Variants in CDK14 observed in about 807,000 individuals in gnomAD.
The protein encoded by CDK14 is cyclin-dependent kinase 14.
CDK14 carries 34 observed loss-of-function variants against 60.7 expected under a neutral mutation model. The ratio of observed to expected loss-of-function variants is 0.56; its 90% CI spans 0.43 to 0.75. The LOEUF (loss-of-function observed/expected upper bound fraction) is 0.75. Ranked by LOEUF, CDK14 falls within the 30% of genes least tolerant of loss-of-function variation. The pLI, the probability that CDK14 is intolerant of heterozygous loss-of-function variation, is 0.00. For missense variants in CDK14, 482 were observed against 564.1 expected, an observed-to-expected ratio of 0.85 and a Z score of 1.47; for synonymous variants, 197 against 203.7, an observed-to-expected ratio of 0.97 and a Z score of 0.28.
intron 9 of CDK14, among the ~76,000 whole-genome samples, chr7:90,971,158 T>C (rs2117628251): frequency 6.6e-6 from 1 of 152,040 alleles, no homozygotes; most frequent in East Asian, 1.9e-4. Flanking sequence ...ATGTGGTTTT[T>C]TTTTTTTTGT....
intron 12 of CDK14, among the ~76,000 whole-genome samples, chr7:91,110,549 G>C (rs766903274): frequency 4.6e-5 from 7 of 152,230 alleles, no homozygotes; most frequent in Non-Finnish European, 7.4e-5. Flanking sequence ...AGTATGTCTT[G>C]CTTTGTATTT....
At chr7:90,692,229 A>G (rs1053322899) in intron 2 of CDK14, among the ~76,000 whole-genome samples, 1 of 152,124 alleles carries the variant, frequency 6.6e-6, no homozygotes, top group Non-Finnish European at 1.5e-5. Context: ...TTTTTCTGTA[A>G]GACAAGAGCG....
intron 12 of CDK14, among the ~76,000 whole-genome samples, chr7:91,084,897 A>AC (rs1379765041): frequency 6.6e-6 from 1 of 152,130 alleles, no homozygotes; most frequent in African/African-American, 2.4e-5. Flanking sequence ...AAGGAATAAA[A>AC]CCCAACCCTA....
intron 14 of CDK14, among the ~76,000 whole-genome samples, chr7:91,182,972 A>G (rs1345422595): frequency 6.6e-6 from 1 of 152,222 alleles, no homozygotes; most frequent in Non-Finnish European, 1.5e-5. Context: ...TTTCCAAGGC[A>G]TATCCATTTA....
intron 2 of CDK14, among the ~76,000 whole-genome samples, chr7:90,696,026 A>C (rs1309708494): frequency 6.6e-6 from 1 of 152,204 alleles, no homozygotes; most frequent in Non-Finnish European, 1.5e-5. Context: ...TAGCTGCAGA[A>C]AGACCAGTTA....
intron 2 of CDK14, among the ~76,000 whole-genome samples, chr7:90,612,247 A>G (rs1420541568): frequency 6.6e-6 from 1 of 152,176 alleles, no homozygotes; most frequent in Non-Finnish European, 1.5e-5. Context: ...CATTGGTATC[A>G]CTGCTCCATC....
intron 5 of CDK14, among the ~76,000 whole-genome samples, chr7:90,801,398 TATC>T (rs1355893746): frequency 2.0e-5 from 3 of 152,242 alleles, no homozygotes; most frequent in East Asian, 3.8e-4. Flanking sequence ...TCAAGCAAAA[TATC>T]ATTCTCTGTG....
At chr7:90,639,025 C>T (rs950747405) in intron 2 of CDK14, among the ~76,000 whole-genome samples, 2 of 152,100 alleles carry the variant, frequency 1.3e-5, no homozygotes, top group Non-Finnish European at 2.9e-5. Context: ...TCTAGTTATA[C>T]ATTCATCTAA....
chr7:90,947,270 G>A (rs1262838645), intron 8 of CDK14, among the ~76,000 whole-genome samples: 4 of 152,072 alleles, frequency 2.6e-5, no homozygotes, highest in Non-Finnish European at 5.9e-5. Flanking sequence ...CCCTCACCAG[G>A]CTAGCTGGTC....
chr7:90,963,275 C>A (rs1794657870), intron 9 of CDK14, among the ~76,000 whole-genome samples: 1 of 151,798 alleles, frequency 6.6e-6, no homozygotes, highest in Non-Finnish European at 1.5e-5. Context: ...TATAAAAGTT[C>A]AGTTACCATG....
chr7:90,866,077 G>A (rs1302314579), intron 6 of CDK14, among the ~76,000 whole-genome samples: 2 of 152,028 alleles, frequency 1.3e-5, no homozygotes, highest in East Asian at 1.9e-4. Context: ...CTGCTTTATA[G>A]TTTGAATAAG....
chr7:90,965,728 G>T (rs1477087157), intron 9 of CDK14, among the ~76,000 whole-genome samples: 1 of 152,138 alleles, frequency 6.6e-6, no homozygotes, highest in East Asian at 1.9e-4. Context: ...TTTTGAAAAC[G>T]CCTTTATTCT....
At chr7:90,662,374 C>G (rs1800881928) in intron 2 of CDK14, among the ~76,000 whole-genome samples, 1 of 152,238 alleles carries the variant, frequency 6.6e-6, no homozygotes, top group African/African-American at 2.4e-5. Context: ...GCTTTGCTCT[C>G]TTGCTCTCTT....
intron 4 of CDK14, among the ~76,000 whole-genome samples, chr7:90,753,912 T>C (rs562720513): frequency 6.6e-6 from 1 of 152,222 alleles, no homozygotes; most frequent in East Asian, 1.9e-4. Context: ...CCTAGGAAAA[T>C]GTCTAACCAA....
intron 9 of CDK14, among the ~76,000 whole-genome samples, chr7:90,969,988 A>G (rs1319598913): frequency 1.5e-5 from 2 of 133,858 alleles, no homozygotes; most frequent in African/African-American, 2.8e-5. Context: ...TTTTTTTGAG[A>G]TGGAGTCTCA....
chr7:90,714,945 C>T (rs1302379698), intron 2 of CDK14, among the ~76,000 whole-genome samples: 2 of 151,906 alleles, frequency 1.3e-5, no homozygotes, highest in African/African-American at 4.8e-5. Flanking sequence ...TTTATTTCTC[C>T]TTTAGGGAAG....
chr7:91,047,942 A>G (rs1290785599), intron 11 of CDK14, among the ~76,000 whole-genome samples: 1 of 152,100 alleles, frequency 6.6e-6, no homozygotes, highest in Non-Finnish European at 1.5e-5. Context: ...TACAAGCCCA[A>G]AAAGGAAAAT....
At chr7:90,688,194 C>G (rs1007116128) in intron 2 of CDK14, among the ~76,000 whole-genome samples, 2 of 152,126 alleles carry the variant, frequency 1.3e-5, no homozygotes, top group African/African-American at 4.8e-5. Context: ...ATGACCTGTT[C>G]CTACATCTAA....
chr7:90,644,699 CTGGTGATACCA>C (rs2116453665), intron 2 of CDK14, among the ~76,000 whole-genome samples: 1 of 152,324 alleles, frequency 6.6e-6, no homozygotes, highest in South Asian at 2.1e-4. Flanking sequence ...AGGGGCACCT[CTGGTGATACCA>C]TGGGTAACAA....
Sources: gnomAD v4.1 joint callset for allele counts (sites outside exome capture counted in the v4.1 genomes callset) on GRCh38, gnomAD v4.1.1 for gene constraint, MANE v1.5 for transcripts, NCBI Gene and HGNC (gene_info 2026-07-23, HGNC 2026-07-21) for gene names.